Variants in TAFA5 observed in about 807,000 individuals in gnomAD.
TAFA5 encodes chemokine-like protein TAFA-5.
TAFA5 carries 6 observed loss-of-function variants against 15.3 expected under a neutral mutation model. That is an observed-to-expected ratio of 0.39 (90% CI 0.21 to 0.77). The LOEUF (loss-of-function observed/expected upper bound fraction) is 0.77. Among genes scored for constraint, TAFA5 ranks in the 30% least tolerant of loss-of-function variants. The probability of loss-of-function intolerance (pLI) is 0.41; values close to 1 mark genes in which losing one functional copy is unlikely to be tolerated. For synonymous variants in TAFA5, 103 were observed against 80.7 expected, an observed-to-expected ratio of 1.28 and a Z score of -1.48; for missense variants, 161 against 193.1, an observed-to-expected ratio of 0.83 and a Z score of 0.98.
chr22:48,721,373 C>A (rs1266477987), intron 3 of TAFA5, among the ~76,000 whole-genome samples: 1 of 152,224 alleles, frequency 6.6e-6, no homozygotes, highest in Non-Finnish European at 1.5e-5. Context: ...CAGAGCACTG[C>A]CTCCGTGCTG....
chr22:48,502,419 C>A (rs959809896), intron 1 of TAFA5, among the ~76,000 whole-genome samples: 4 of 152,096 alleles, frequency 2.6e-5, no homozygotes, highest in African/African-American at 4.8e-5. Flanking sequence ...GCTGGGAGTA[C>A]TTTTGTCTTA....
At chr22:48,556,141 G>C (rs112166245) in intron 1 of TAFA5, among the ~76,000 whole-genome samples, 5 of 152,210 alleles carry the variant, frequency 3.3e-5, no homozygotes, top group Non-Finnish European at 7.3e-5. Flanking sequence ...TGTCACCCGA[G>C]ACCAATGGCA....
At chr22:48,589,986 C>CGTGTGTGTGTGTGTGT (rs35969553) in intron 1 of TAFA5, among the ~76,000 whole-genome samples, 3 of 149,768 alleles carry the variant, frequency 2.0e-5, no homozygotes, top group East Asian at 2.0e-4. Flanking sequence ...TTGCAGCCGA[C>CGTGTGTGTGTGTGTGT]GTGTGTGTGT....
At position 48,751,695 on chromosome 22, in the gene TAFA5, G is replaced by T. The variant is rs1930501513; in HGVS notation, c.*1848G>T. On this transcript the variant is annotated 3_prime_UTR_variant, in exon 4 of 4. Coordinates refer to ENST00000402357, the MANE Select transcript of TAFA5 (RefSeq NM_001082967.3). ...TGTCATCACAGAGGGGGTGGGCCTG[G>T]AAAGGGTCCTTCCCAAGCTGCCCCG... 1 of 152,342 alleles carries T rather than the reference G, an allele frequency of 6.6e-6. No individual in the cohort carries two copies. Among genetic ancestry groups the T allele is most frequent in the Non-Finnish European group, 1.5e-5 (1 of 68,038 alleles). The allele number at this position is 152,342 out of a possible 1,614,324, so 9.4% of individuals were successfully genotyped here. A position where few individuals can be genotyped will look rare whatever the true frequency, so the allele number is the denominator to read the frequency against.
chr22:48,623,224 G>A (rs1925903901), intron 1 of TAFA5, among the ~76,000 whole-genome samples: 1 of 151,924 alleles, frequency 6.6e-6, no homozygotes. Context: ...CCTGCGCGGT[G>A]ACCTGTGGGA....
At chr22:48,709,544 C>T (rs75553196) in intron 3 of TAFA5, among the ~76,000 whole-genome samples, 1,707 of 152,324 alleles carry the variant, frequency 0.011, 33 homozygotes, top group African/African-American at 0.037. Context: ...GCGGCCACCT[C>T]GCCCTGAATT....
chr22:48,647,770 C>T (rs903814446), intron 2 of TAFA5, among the ~76,000 whole-genome samples: 7 of 152,080 alleles, frequency 4.6e-5, no homozygotes, highest in Non-Finnish European at 8.8e-5. Flanking sequence ...AAGGACCCCA[C>T]GCAGGGGTAT....
chr22:48,669,693 C>T (rs1927739087), intron 2 of TAFA5, among the ~76,000 whole-genome samples: 1 of 152,198 alleles, frequency 6.6e-6, no homozygotes, highest in Admixed American at 6.5e-5. Flanking sequence ...CCGAGTCAGG[C>T]TCCTGGGGGC....
chr22:48,631,552 G>A (rs1250722600), intron 1 of TAFA5, among the ~76,000 whole-genome samples: 2 of 152,236 alleles, frequency 1.3e-5, no homozygotes, highest in African/African-American at 4.8e-5. Context: ...GTGTGAGGGA[G>A]CTCTTGGACC....
intron 1 of TAFA5, among the ~76,000 whole-genome samples, chr22:48,578,564 C>T (rs746126103): frequency 2.6e-4 from 39 of 152,296 alleles, no homozygotes; most frequent in Middle Eastern, 3.4e-3. Flanking sequence ...TTGTGGAAGA[C>T]GGCGCAGTCA....
In TAFA5 at chr22:48,490,632, C is replaced by A. The variant is rs1352394669; in HGVS notation, c.112+928C>A. Among the ~76,000 whole-genome samples, 1 of 151,808 alleles carries A rather than the reference C, an allele frequency of 6.6e-6. No individual in the cohort carries two copies. The highest frequency in any genetic ancestry group is 2.4e-5 in the African/African-American group (1 of 41,318). ...TCAGCGTCCCGGGCACAGGCTCTGGCCCCAGATGGCGCGGGCTGGTCGGCT... is the reference window on the plus strand; with the variant it reads ...TCAGCGTCCCGGGCACAGGCTCTGGACCCAGATGGCGCGGGCTGGTCGGCT... On this transcript the variant is annotated intron_variant, in intron 1 of 3. Transcript: ENST00000402357. The surrounding 1 kb of genome is among the most constrained non-coding windows in gnomAD (Gnocchi z 5.8).
At chr22:48,657,094 A>G (rs562536028) in intron 2 of TAFA5, among the ~76,000 whole-genome samples, 1 of 152,266 alleles carries the variant, frequency 6.6e-6, no homozygotes, top group South Asian at 2.1e-4. Context: ...TCAAAGATAA[A>G]TGAAATTGAC....
At chr22:48,539,645 C>CG (rs1372746834) in intron 1 of TAFA5, among the ~76,000 whole-genome samples, 3 of 152,130 alleles carry the variant, frequency 2.0e-5, no homozygotes, top group Non-Finnish European at 4.4e-5. Context: ...CGGTGCCACC[C>CG]GACAGGGCCT....
chr22:48,614,081 C>T (rs367710578), intron 1 of TAFA5, among the ~76,000 whole-genome samples: 3 of 152,202 alleles, frequency 2.0e-5, no homozygotes, highest in African/African-American at 4.8e-5. Flanking sequence ...ACCTCCCGGC[C>T]GACGGGTGTT....
chr22:48,615,353 G>A (rs1235911601), intron 1 of TAFA5, among the ~76,000 whole-genome samples: 2 of 152,324 alleles, frequency 1.3e-5, no homozygotes, highest in South Asian at 2.1e-4. Context: ...AAAGGGAAGC[G>A]GATGGCTTGA....
chr22:48,557,377 G>A (rs901439180), intron 1 of TAFA5, among the ~76,000 whole-genome samples: 17 of 152,164 alleles, frequency 1.1e-4, no homozygotes, highest in African/African-American at 4.1e-4. Flanking sequence ...GCGGCGCCGG[G>A]AGGAAGCAGC....
At chr22:48,591,855 G>T (rs559877651) in intron 1 of TAFA5, among the ~76,000 whole-genome samples, 53 of 152,288 alleles carry the variant, frequency 3.5e-4, no homozygotes, top group Non-Finnish European at 6.8e-4. Flanking sequence ...CTCCCCCACG[G>T]AGTCTCCCTC....
At chr22:48,737,848 G>A (rs1930074524) in intron 3 of TAFA5, among the ~76,000 whole-genome samples, 1 of 152,184 alleles carries the variant, frequency 6.6e-6, no homozygotes, top group African/African-American at 2.4e-5. Flanking sequence ...CCAGGGAGCT[G>A]CAGCCTCTGA....
chr22:48,584,438 A>T (rs1208033933), intron 1 of TAFA5, among the ~76,000 whole-genome samples: 1 of 149,988 alleles, frequency 6.7e-6, no homozygotes, highest in African/African-American at 2.5e-5. Context: ...TACTATGTAA[A>T]TACACCACAC....
Sources: allele counts gnomAD v4.1 joint callset (sites outside exome capture counted in the v4.1 genomes callset), GRCh38; gene constraint gnomAD v4.1.1; non-coding constraint Gnocchi (gnomAD v3.1); transcripts MANE v1.5; gene names NCBI Gene and HGNC (gene_info 2026-07-23, HGNC 2026-07-21).